TRDN: variants seen among roughly 807,000 people sequenced by gnomAD.
The protein encoded by TRDN is triadin in skeletal muscle.
TRDN carries 161 observed loss-of-function variants against 149.7 expected under a neutral mutation model. The ratio of observed to expected loss-of-function variants is 1.08; its 90% CI spans 0.95 to 1.23. The LOEUF is 1.23. TRDN is among the 50% of genes most tolerant of loss of function. The pLI is 0.00. For missense variants in TRDN, 896 were observed against 823.5 expected (o/e 1.09, Z -1.08); for synonymous variants, 294 against 250.5 (o/e 1.17, Z -1.64).
rs541243071 is a variant in TRDN, at chr6:123,276,941, C to T, written c.1567+1377G>A. Among the ~76,000 whole-genome samples the T allele has an allele frequency of 2.6e-5, 4 of 152,206 alleles. No individual in the cohort carries two copies. In the East Asian group the frequency reaches 7.7e-4, roughly 29 times the overall value. The stretch of plus-strand genomic sequence containing the variant: ...AGCACACTGAGCTAAGAGGACAGGG[C>T]CACTGTTCCACCAGTCCCAGAGTAC... On this transcript the variant is annotated intron_variant, in intron 26 of 40. Coordinates refer to ENST00000334268, the MANE Select transcript of TRDN (RefSeq NM_006073.4).
chr6:123,229,167 G>GT (rs1214002679), intron 38 of TRDN, among the ~76,000 whole-genome samples: 3 of 151,840 alleles, frequency 2.0e-5, no homozygotes, highest in African/African-American at 7.3e-5. Context: ...CCAAGCAGTT[G>GT]TCTGCACTAT....
At chr6:123,431,276 C>T (rs1056814417) in intron 12 of TRDN, among the ~76,000 whole-genome samples, 3 of 152,056 alleles carry the variant, frequency 2.0e-5, no homozygotes, top group African/African-American at 4.8e-5. Context: ...CTGATTAAAC[C>T]AGGTCTAATG....
intron 1 of TRDN, among the ~76,000 whole-genome samples, chr6:123,579,173 C>T (rs1424804368): frequency 6.6e-6 from 1 of 152,112 alleles, no homozygotes; most frequent in Non-Finnish European, 1.5e-5. Context: ...ATTACCAATA[C>T]TATGTTGAAG....
rs1263460709 is a variant in TRDN at position 123,218,237 on chromosome 6, A to G, written c.*364T>C. 1.9e-5 allele frequency: 3 copies of G among 160,086 alleles called. No individual in the cohort carries two copies. The highest frequency in any genetic ancestry group is 2.7e-5 in the Non-Finnish European group (2 of 73,518). The allele number at this position is 160,086 out of a possible 1,614,324, so 9.9% of individuals were successfully genotyped here. ...GCACAGTCTATGTTGTCATTAAAAAAATAATAGCTAACTGAAGCCAGGAAT... is the reference window on the plus strand; with the variant it reads ...GCACAGTCTATGTTGTCATTAAAAAGATAATAGCTAACTGAAGCCAGGAAT... On this transcript the variant is annotated 3_prime_UTR_variant, in exon 41 of 41. Transcript: ENST00000334268.
At chr6:123,621,576 T>A (rs1434186461) in intron 1 of TRDN, among the ~76,000 whole-genome samples, 1 of 152,056 alleles carries the variant, frequency 6.6e-6, no homozygotes, top group Non-Finnish European at 1.5e-5. Flanking sequence ...AATGAAACAC[T>A]GTACAGAAAG....
chr6:123,290,412 A>G (rs1487301185), intron 24 of TRDN, among the ~76,000 whole-genome samples: 1 of 152,162 alleles, frequency 6.6e-6, no homozygotes, highest in Non-Finnish European at 1.5e-5. Flanking sequence ...ATTAAATAAG[A>G]CTAGTCAAAG....
intron 12 of TRDN, among the ~76,000 whole-genome samples, chr6:123,432,492 C>G (rs573851573): frequency 6.6e-6 from 1 of 151,814 alleles, no homozygotes; most frequent in South Asian, 2.1e-4. Context: ...TCTCAATTAT[C>G]TTTTCGATTT....
chr6:123,614,518 G>A lies in TRDN; in HGVS notation c.22+22236C>T, dbSNP rs9375277. 2.4e-4 allele frequency among the ~76,000 whole-genome samples: 37 copies of A among 151,222 alleles called. No individual in the cohort carries two copies. The South Asian group carries it at 3.5e-3, about 14-fold the overall frequency. On this transcript the variant is annotated intron_variant, in intron 1 of 40. Transcript: ENST00000334268. ...ATTATTTTTAATTACACTTATTGAA[G>A]ATATTTATATCAATATTATAACTGC... is the stretch of plus-strand genomic sequence containing the variant.
At chr6:123,561,366 G>A (rs925948442) in intron 2 of TRDN, among the ~76,000 whole-genome samples, 1 of 152,162 alleles carries the variant, frequency 6.6e-6, no homozygotes, top group Non-Finnish European at 1.5e-5. Context: ...AAAAAGGACT[G>A]GACAATACTT....
intron 24 of TRDN, among the ~76,000 whole-genome samples, chr6:123,299,961 G>A (rs1461019859): frequency 6.6e-6 from 1 of 151,948 alleles, no homozygotes; most frequent in African/African-American, 2.4e-5. Context: ...TTCTGTCAGA[G>A]TAACTTACAA....
intron 1 of TRDN, among the ~76,000 whole-genome samples, chr6:123,634,611 G>A (rs1786195384): frequency 6.6e-6 from 1 of 151,906 alleles, no homozygotes; most frequent in Admixed American, 6.6e-5. Flanking sequence ...GGTGAGAATT[G>A]CAAAGATAAC....
intron 12 of TRDN, among the ~76,000 whole-genome samples, chr6:123,427,210 G>A (rs997463001): frequency 3.3e-5 from 5 of 151,224 alleles, no homozygotes; most frequent in African/African-American, 1.2e-4. Flanking sequence ...GATGGTGTCA[G>A]CTCAGGTTAT....
At chr6:123,585,460 A>G (rs994718871) in intron 1 of TRDN, among the ~76,000 whole-genome samples, 1 of 152,090 alleles carries the variant, frequency 6.6e-6, no homozygotes, top group African/African-American at 2.4e-5. Flanking sequence ...ATTGATTAAG[A>G]TGGGGACAGA....
intron 22 of TRDN, among the ~76,000 whole-genome samples, chr6:123,337,379 C>A (rs1210315738): frequency 6.6e-6 from 1 of 151,730 alleles, no homozygotes; most frequent in Non-Finnish European, 1.5e-5. Flanking sequence ...AACCTTTTTT[C>A]ATTTTTCTTT....
chr6:123,503,821 T>G lies in TRDN; in HGVS notation c.691A>C (p.Lys231Gln). ...TCTTTTACTTTTGCAGCTGTTTGCT[T>G]CACTTTCTCCTGTTTTCCACCTTTC... is the stretch of plus-strand genomic sequence containing the variant. ...EVKGGKQEKV[K>Q]QTAAKVKEVQ... Residue 231 changes from lysine to glutamine, a missense_variant, in exon 8 of 41, where the codon AAG (lysine) becomes CAG (glutamine). Transcript: ENST00000334268. 6.2e-7 allele frequency: 1 copy of G among 1,609,768 alleles called. No homozygotes were observed. The highest frequency in any genetic ancestry group is 8.5e-7 in the Non-Finnish European group (1 of 1,177,576).
intron 13 of TRDN, among the ~76,000 whole-genome samples, chr6:123,390,985 C>G (rs978453806): frequency 6.6e-6 from 1 of 151,974 alleles, no homozygotes; most frequent in Non-Finnish European, 1.5e-5. Flanking sequence ...TCTTTTAAGC[C>G]GAGTTCCATT....
At chr6:123,353,184 G>T (rs140416579) in intron 20 of TRDN, among the ~76,000 whole-genome samples, 2 of 151,844 alleles carry the variant, frequency 1.3e-5, no homozygotes, top group East Asian at 1.9e-4. Context: ...GATTCATTTG[G>T]AATCAGTGCA....
At chr6:123,544,508 G>A (rs896094803) in intron 4 of TRDN, among the ~76,000 whole-genome samples, 3 of 151,904 alleles carry the variant, frequency 2.0e-5, no homozygotes, top group African/African-American at 7.3e-5. Context: ...AGAAAGTGAG[G>A]TGCTAACAGA....
intron 1 of TRDN, among the ~76,000 whole-genome samples, chr6:123,584,479 G>A (rs558093386): frequency 2.0e-4 from 30 of 151,512 alleles, no homozygotes; most frequent in African/African-American, 6.5e-4. Context: ...AATTCTGACC[G>A]CACTAACCAT....
Sources: gnomAD v4.1 joint callset for allele counts (sites outside exome capture counted in the v4.1 genomes callset) on GRCh38, gnomAD v4.1.1 for gene constraint, MANE v1.5 for transcripts, NCBI Gene and HGNC (gene_info 2026-07-23, HGNC 2026-07-21) for gene names.